Variants in FNDC3A observed in about 807,000 individuals in gnomAD.
FNDC3A encodes fibronectin type III domain containing 3A, also known as fibronectin type-III domain-containing protein 3A.
FNDC3A carries 32 observed loss-of-function variants against 148.9 expected under a neutral mutation model. That is an observed-to-expected ratio of 0.21 (90% CI 0.16 to 0.29). The LOEUF is 0.29. Among genes scored for constraint, FNDC3A ranks in the 10% least tolerant of loss-of-function variants. The pLI is 1.00. For synonymous variants in FNDC3A, 472 were observed against 473.6 expected, an observed-to-expected ratio of 1.00 and a Z score of 0.04; for missense variants, 1,191 against 1,452.8, an observed-to-expected ratio of 0.82 and a Z score of 2.93.
chr13:49,158,300 C>A (rs1236065152), intron 8 of FNDC3A, among the ~76,000 whole-genome samples: 1 of 152,222 alleles, frequency 6.6e-6, no homozygotes, highest in African/African-American at 2.4e-5. Context: ...GCGTCTGTCA[C>A]CCCTTTCTTT....
chr13:49,105,625 C>T (rs1180575014), intron 3 of FNDC3A, among the ~76,000 whole-genome samples: 7 of 152,186 alleles, frequency 4.6e-5, no homozygotes, highest in African/African-American at 7.2e-5. Flanking sequence ...ACATTTCTAA[C>T]GTAACATGTC....
chr13:49,011,962 C>G (rs980432929), intron 2 of FNDC3A, among the ~76,000 whole-genome samples: 1 of 152,168 alleles, frequency 6.6e-6, no homozygotes, highest in African/African-American at 2.4e-5. Context: ...TCCAATTTGA[C>G]TGTTTTTCCA....
In FNDC3A at chr13:49,149,917, G is replaced by T. The variant is rs1236555902; in HGVS notation, c.977+3982G>T. On this transcript the variant is annotated intron_variant, in intron 8 of 25. Coordinates refer to ENST00000492622, the MANE Select transcript of FNDC3A (RefSeq NM_001079673.2). ...TTTCTCGCTGATTGAATCTTGGTAGGTAGTATGTATCTAGGAATTTGTCCA... is the reference window on the plus strand; with the variant it reads ...TTTCTCGCTGATTGAATCTTGGTAGTTAGTATGTATCTAGGAATTTGTCCA... Among the ~76,000 whole-genome samples, 3 of 152,150 alleles carry T rather than the reference G, an allele frequency of 2.0e-5. No individual in the cohort carries two copies. The East Asian group carries it at 5.8e-4, about 29-fold the overall frequency.
Position 49,102,790 on chromosome 13 carries a change from T to A in FNDC3A, c.176-11865T>A, listed in dbSNP as rs756453220. 8.2e-4 allele frequency among the ~76,000 whole-genome samples: 125 copies of A among 152,358 alleles called. 3 individuals carry two copies. Among genetic ancestry groups the A allele is most frequent in the Middle Eastern group, 3.4e-3 (1 of 294 alleles). On this transcript the variant is annotated intron_variant, in intron 3 of 25. Transcript: ENST00000492622. ...TATGCAGTGACCAGCATATTTTTCATTTTTCCATTCTTGTTTAATTATATG... is the reference window on the plus strand; with the variant it reads ...TATGCAGTGACCAGCATATTTTTCAATTTTCCATTCTTGTTTAATTATATG...
At chr13:49,143,483 A>G (rs957541424) in intron 7 of FNDC3A, among the ~76,000 whole-genome samples, 1 of 152,210 alleles carries the variant, frequency 6.6e-6, no homozygotes, top group Non-Finnish European at 1.5e-5. Context: ...AGTTAAAAGT[A>G]TAGTTAAAAG....
intron 2 of FNDC3A, among the ~76,000 whole-genome samples, chr13:49,041,916 G>A (rs1874965375): frequency 6.6e-6 from 1 of 151,926 alleles, no homozygotes; most frequent in Admixed American, 6.6e-5. Flanking sequence ...TTCATAGTGA[G>A]CTTTTATTCT....
intron 17 of FNDC3A, 45 bp downstream of exon 17, chr13:49,188,678 C>A: frequency 1.6e-6 from 2 of 1,270,820 alleles, no homozygotes; most frequent in South Asian, 2.4e-5. Flanking sequence ...TTAAGTTTGG[C>A]CAAATGGGGT....
intron 24 of FNDC3A, among the ~76,000 whole-genome samples, chr13:49,202,371 C>T (rs185674170): frequency 1.3e-5 from 2 of 152,100 alleles, no homozygotes; most frequent in Admixed American, 6.5e-5. Flanking sequence ...AAAACAAATT[C>T]TTCATTAATG....
chr13:49,034,009 A>G (rs1874318112), intron 2 of FNDC3A, among the ~76,000 whole-genome samples: 1 of 152,026 alleles, frequency 6.6e-6, no homozygotes, highest in Non-Finnish European at 1.5e-5. Flanking sequence ...TATGTAAATT[A>G]TTTATAAATG....
intron 3 of FNDC3A, among the ~76,000 whole-genome samples, chr13:49,078,305 G>C (rs1878250861): frequency 6.6e-6 from 1 of 152,030 alleles, no homozygotes; most frequent in South Asian, 2.1e-4. Context: ...CCTTTGGTCA[G>C]GACCAAAAAA....
Position 49,000,800 on chromosome 13 carries a change from A to T in FNDC3A, c.-39-5352A>T, listed in dbSNP as rs1409653202. On this transcript the variant is annotated intron_variant, in intron 1 of 25. Coordinates refer to ENST00000492622, the MANE Select transcript of FNDC3A (RefSeq NM_001079673.2). Reference sequence around the variant, plus strand: ...GGCTTTCACCTCCTTGATTAGGTTTATTCCTAAGTACTTTATTCTTTTGGT... The same window carrying T: ...GGCTTTCACCTCCTTGATTAGGTTTTTTCCTAAGTACTTTATTCTTTTGGT... Among the ~76,000 whole-genome samples the T allele has an allele frequency of 2.0e-5, 3 of 152,182 alleles. No individual in the cohort carries two copies. The South Asian group carries it at 6.2e-4, about 32-fold the overall frequency.
chr13:49,015,030 C>T (rs1252202671), intron 2 of FNDC3A, among the ~76,000 whole-genome samples: 14 of 152,038 alleles, frequency 9.2e-5, no homozygotes, highest in East Asian at 1.9e-4. Context: ...AGTCAGGTAG[C>T]GTGATGCCTC....
intron 1 of FNDC3A, among the ~76,000 whole-genome samples, chr13:48,980,933 G>C (rs182386312): frequency 6.6e-6 from 1 of 152,290 alleles, no homozygotes; most frequent in African/African-American, 2.4e-5. Flanking sequence ...GACAGAATCA[G>C]TGATGCTTCT....
At chr13:49,182,870 T>C (rs192297593) in intron 14 of FNDC3A, among the ~76,000 whole-genome samples, 37 of 152,240 alleles carry the variant, frequency 2.4e-4, no homozygotes, top group African/African-American at 7.7e-4. Context: ...ATCCCTCTCT[T>C]GCTTGGATAT....
At chr13:49,045,178 G>C (rs1163345053) in intron 2 of FNDC3A, among the ~76,000 whole-genome samples, 1 of 141,696 alleles carries the variant, frequency 7.1e-6, no homozygotes, top group African/African-American at 2.6e-5. Flanking sequence ...TTTTTTAATG[G>C]AATCTCACTC....
intron 3 of FNDC3A, among the ~76,000 whole-genome samples, chr13:49,099,935 G>T (rs1352613966): frequency 6.6e-6 from 1 of 151,980 alleles, no homozygotes; most frequent in East Asian, 1.9e-4. Context: ...TCAATTGAAG[G>T]TATCAGCAGC....
chr13:49,001,965 A>G (rs1952133845), intron 1 of FNDC3A, among the ~76,000 whole-genome samples: 1 of 152,044 alleles, frequency 6.6e-6, no homozygotes, highest in Non-Finnish European at 1.5e-5. Flanking sequence ...ATCACTAACA[A>G]AAACTTGGCT....
At chr13:49,187,727 C>G in intron 16 of FNDC3A, 1 of 1,216,602 alleles carries the variant, frequency 8.2e-7, no homozygotes, top group Non-Finnish European at 1.2e-6. Flanking sequence ...GAAATGGCGG[C>G]ACCTCACCAA....
At chr13:49,124,778 A>G (rs2137907144) in intron 4 of FNDC3A, among the ~76,000 whole-genome samples, 1 of 152,356 alleles carries the variant, frequency 6.6e-6, no homozygotes, top group African/African-American at 2.4e-5. Flanking sequence ...TAAAACTTAA[A>G]TACAAAGCAA....
Sources: allele counts gnomAD v4.1 joint callset (sites outside exome capture counted in the v4.1 genomes callset), GRCh38; gene constraint gnomAD v4.1.1; transcripts MANE v1.5; gene names NCBI Gene and HGNC (gene_info 2026-07-23, HGNC 2026-07-21).